Variants in HECW2 observed in about 807,000 individuals in gnomAD.
HECW2 encodes E3 ubiquitin-protein ligase HECW2.
A neutral mutation model predicts 175.2 loss-of-function variants in HECW2; 61 were observed. The observed-to-expected ratio is 0.35, with a 90% CI of 0.28 to 0.43. The LOEUF is 0.43. HECW2 is among the 20% of genes least tolerant of loss of function. HECW2 has a pLI of 1.00. For synonymous variants in HECW2, 671 were observed against 731.0 expected, an observed-to-expected ratio of 0.92 and a Z score of 1.32; for missense variants, 1,524 against 2,000.5, an observed-to-expected ratio of 0.76 and a Z score of 4.54.
At chr2:196,222,775 C>CT (rs1305062659) in intron 23 of HECW2, among the ~76,000 whole-genome samples, 1 of 151,690 alleles carries the variant, frequency 6.6e-6, no homozygotes, top group Admixed American at 6.6e-5. Flanking sequence ...TATATTTTAA[C>CT]TTTTTTTAAT....
At chr2:196,572,216 T>G (rs1362211432) in intron 1 of HECW2, among the ~76,000 whole-genome samples, 1 of 152,190 alleles carries the variant, frequency 6.6e-6, no homozygotes, top group African/African-American at 2.4e-5. Flanking sequence ...AGGATTTCAC[T>G]GTGTTGCCTA....
rs144181608 is a variant in HECW2 at position 196,358,585 on chromosome 2, CAAAAAAAAAAAA to C, written c.293-14833_293-14822del. ...TGGGAGACAGAGCAAGACTCTGTCT[CAAAAAAAAAAAA>C]AAAAAAAAAAAAAAAAAAAAGAAAC... On this transcript the variant is annotated intron_variant, in intron 2 of 28. Transcript: ENST00000644978. 2.0e-3 allele frequency among the ~76,000 whole-genome samples: 133 copies of C among 67,352 alleles called. 2 individuals carry two copies. The highest frequency in any genetic ancestry group is 0.017 in the South Asian group (23 of 1,358). The allele number at this position is 67,352 out of a possible 152,430, so 44.2% of individuals were successfully genotyped here.
At chr2:196,564,193 C>T (rs1690102920) in intron 1 of HECW2, among the ~76,000 whole-genome samples, 1 of 152,002 alleles carries the variant, frequency 6.6e-6, no homozygotes, top group Non-Finnish European at 1.5e-5. Flanking sequence ...ATAGAACATC[C>T]TATAACTGGT....
chr2:196,372,052 C>T (rs765501318), intron 2 of HECW2, among the ~76,000 whole-genome samples: 40 of 152,076 alleles, frequency 2.6e-4, no homozygotes, highest in Non-Finnish European at 4.1e-4. Flanking sequence ...GATTCAGTGA[C>T]GAATGCTATC....
intron 21 of HECW2, among the ~76,000 whole-genome samples, chr2:196,234,863 G>T (rs1443191769): frequency 5.9e-5 from 9 of 152,060 alleles, no homozygotes; most frequent in Admixed American, 5.9e-4. Context: ...CACCACTGCC[G>T]ATCTCCCTTC....
chr2:196,407,785 C>T (rs1225506528), intron 2 of HECW2, among the ~76,000 whole-genome samples: 1 of 152,238 alleles, frequency 6.6e-6, no homozygotes, highest in Non-Finnish European at 1.5e-5. Context: ...TCTTTTCCCA[C>T]AGGCTATGTG....
At chr2:196,312,248 G>A (rs183157115) in intron 10 of HECW2, among the ~76,000 whole-genome samples, 2 of 141,446 alleles carry the variant, frequency 1.4e-5, no homozygotes, top group Non-Finnish European at 3.1e-5. Flanking sequence ...AGGGATGGGT[G>A]GGGGGGTGCT....
At chr2:196,479,557 C>T (rs1174359777) in intron 1 of HECW2, among the ~76,000 whole-genome samples, 1 of 152,224 alleles carries the variant, frequency 6.6e-6, no homozygotes, top group African/African-American at 2.4e-5. Context: ...TTGTGAATCA[C>T]TGGATCACTG....
Position 196,225,818 on chromosome 2 carries a change from A to G in HECW2, c.3970T>C (p.Leu1324=), listed in dbSNP as rs774207415. The G allele has an allele frequency of 6.2e-7, 1 of 1,613,516 alleles. No individual in the cohort carries two copies. Among genetic ancestry groups the G allele is most frequent in the South Asian group, 1.1e-5 (1 of 91,056 alleles). ...LGLALIHQYL[L]DAFFTRPFYK... is the part of the protein sequence containing the mutation. Reference sequence around the variant, plus strand: ...AAGGGCCGTGTGAAGAAGGCATCCAACAAATACTGGTGTATTAGTGCAAGA... The same window carrying G: ...AAGGGCCGTGTGAAGAAGGCATCCAGCAAATACTGGTGTATTAGTGCAAGA... The change falls in exon 23 of 29, where the codon TTG becomes CTG. Residue 1324 remains leucine (L), a synonymous_variant. Coordinates refer to ENST00000644978, the MANE Select transcript of HECW2 (RefSeq NM_001348768.2).
At chr2:196,571,317 G>T (rs1023747639) in intron 1 of HECW2, among the ~76,000 whole-genome samples, 1 of 152,048 alleles carries the variant, frequency 6.6e-6, no homozygotes, top group Non-Finnish European at 1.5e-5. Flanking sequence ...CTAATGTTTG[G>T]GAATAAACAG....
At chr2:196,225,306 C>T (rs913913893) in intron 23 of HECW2, among the ~76,000 whole-genome samples, 2 of 152,078 alleles carry the variant, frequency 1.3e-5, no homozygotes, top group African/African-American at 4.8e-5. Flanking sequence ...AAATAAAAAA[C>T]AAAACCAAAA....
At position 196,566,562 on chromosome 2, in the gene HECW2, G is replaced by A. The variant is rs193161607; in HGVS notation, c.-36+26946C>T. On this transcript the variant is annotated intron_variant, in intron 1 of 28. Coordinates refer to ENST00000644978, the MANE Select transcript of HECW2 (RefSeq NM_001348768.2). ...TTTTTTTTTTTTGAAATGGAATCTC[G>A]TTCTTGCTGCCCAGGCTGGAGTGCA... is the stretch of plus-strand genomic sequence containing the variant. Among the ~76,000 whole-genome samples the A allele has an allele frequency of 4.5e-4, 65 of 144,736 alleles. 1 individual carries two copies. Among genetic ancestry groups the A allele is most frequent in the African/African-American group, 1.1e-3 (43 of 38,686 alleles). 95.0% of individuals were successfully genotyped at this position (144,736 alleles called of 152,430 possible).
At chr2:196,204,606 G>C in intron 28 of HECW2, among the ~76,000 whole-genome samples, 1 of 152,222 alleles carries the variant, frequency 6.6e-6, no homozygotes, top group East Asian at 1.9e-4. Context: ...GTGAGACCAT[G>C]AGCAGAAGAC....
intron 1 of HECW2, among the ~76,000 whole-genome samples, chr2:196,510,096 G>A (rs74916328): frequency 1.3e-5 from 2 of 152,082 alleles, no homozygotes; most frequent in Non-Finnish European, 1.5e-5. Context: ...TAGATTACAG[G>A]CAGCAATCCC....
At chr2:196,278,077 T>C (rs1690030436) in intron 15 of HECW2, among the ~76,000 whole-genome samples, 1 of 135,950 alleles carries the variant, frequency 7.4e-6, no homozygotes, top group Admixed American at 8.1e-5. Context: ...TGTATACAAA[T>C]GTAACAAACC....
chr2:196,481,953 A>T (rs16852245), intron 1 of HECW2, among the ~76,000 whole-genome samples: 53,057 of 152,136 alleles, frequency 0.35, 13,007 homozygotes, highest in African/African-American at 0.7. Context: ...CCAAGTTCTC[A>T]CTTTTTCTGT....
chr2:196,383,979 T>C (rs1559079720), intron 2 of HECW2, among the ~76,000 whole-genome samples: 1 of 152,188 alleles, frequency 6.6e-6, no homozygotes, highest in Non-Finnish European at 1.5e-5. Flanking sequence ...GCAATGGGAA[T>C]TGTACAACCT....
At chr2:196,358,886 C>T (rs555697052) in intron 2 of HECW2, among the ~76,000 whole-genome samples, 1 of 152,162 alleles carries the variant, frequency 6.6e-6, no homozygotes, top group Non-Finnish European at 1.5e-5. Context: ...AAGAGCATAG[C>T]ACAGTATCTC....
At chr2:196,284,471 C>A (rs1202091513) in intron 14 of HECW2, among the ~76,000 whole-genome samples, 1 of 152,160 alleles carries the variant, frequency 6.6e-6, no homozygotes, top group Admixed American at 6.5e-5. Flanking sequence ...AGGAGCAATC[C>A]CTTGGTGTGA....
Sources: allele counts gnomAD v4.1 joint callset (sites outside exome capture counted in the v4.1 genomes callset), GRCh38; gene constraint gnomAD v4.1.1; transcripts MANE v1.5; gene names NCBI Gene and HGNC (gene_info 2026-07-23, HGNC 2026-07-21).